N4BP2: variants seen among roughly 807,000 people sequenced by gnomAD.
N4BP2 encodes NEDD4 binding protein 2.
In N4BP2, 91 loss-of-function variants were observed where a neutral mutation model predicts 152.8. The ratio of observed to expected loss-of-function variants is 0.60; its 90% confidence interval spans 0.50 to 0.71. The LOEUF is 0.71. Among genes scored for constraint, N4BP2 ranks in the 30% least tolerant of loss-of-function variants. The probability of loss-of-function intolerance (pLI) is 0.00; values close to 1 mark genes in which losing one functional copy is unlikely to be tolerated. For missense variants in N4BP2, 1,923 were observed against 2,059.1 expected (o/e 0.93, Z 1.28); for synonymous variants, 646 against 705.3 (o/e 0.92, Z 1.33).
chr4:40,184,958 AAAATAAAT>A, the N4BP2 span, among the ~76,000 whole-genome samples: 3 of 151,510 alleles, frequency 2.0e-5, no homozygotes, highest in Non-Finnish European at 4.4e-5. Flanking sequence ...TCTGTCTCAA[AAAATAAAT>A]AAATAAATAA....
the N4BP2 span, among the ~76,000 whole-genome samples, chr4:40,182,016 G>T: frequency 6.6e-6 from 1 of 152,188 alleles, no homozygotes; most frequent in African/African-American, 2.4e-5. Flanking sequence ...ATTGCCTGGA[G>T]GTTGCTTACA....
chr4:40,072,910 CG>C (rs917628231), intron 1 of N4BP2, among the ~76,000 whole-genome samples: 1 of 151,220 alleles, frequency 6.6e-6, no homozygotes, highest in African/African-American at 2.4e-5. Flanking sequence ...TTAGCAGAGA[CG>C]GGGTCTCACC....
At chr4:40,159,630 C>T (rs1475855016), downstream of N4BP2, among the ~76,000 whole-genome samples, 1 of 152,140 alleles carries the variant, frequency 6.6e-6, no homozygotes, top group Admixed American at 6.5e-5. Context: ...TACTTACGTC[C>T]TATTGACCAG....
At chr4:40,136,648 G>A (rs1336688810) in intron 13 of N4BP2, among the ~76,000 whole-genome samples, 3 of 152,116 alleles carry the variant, frequency 2.0e-5, no homozygotes, top group Non-Finnish European at 4.4e-5. Context: ...TCGGCCCCCC[G>A]AAGTGCTGGG....
chr4:40,172,675 G>A, the N4BP2 span, among the ~76,000 whole-genome samples: 3 of 152,166 alleles, frequency 2.0e-5, no homozygotes, highest in Non-Finnish European at 2.9e-5. Context: ...CCAGAACTAT[G>A]AGATGATAAA....
chr4:40,111,381 C>T (rs939601325), intron 5 of N4BP2, among the ~76,000 whole-genome samples: 7 of 152,222 alleles, frequency 4.6e-5, no homozygotes, highest in African/African-American at 7.2e-5. Context: ...AGTACAATGG[C>T]GTGGTCTCAG....
At chr4:40,186,970 C>T in the N4BP2 span, among the ~76,000 whole-genome samples, 2 of 152,154 alleles carry the variant, frequency 1.3e-5, no homozygotes, top group African/African-American at 4.8e-5. Flanking sequence ...CATTTTCACA[C>T]AGATATTTTA....
chr4:40,162,610 C>T (rs1721887979), downstream of N4BP2, among the ~76,000 whole-genome samples: 1 of 152,044 alleles, frequency 6.6e-6, no homozygotes, highest in African/African-American at 2.4e-5. Flanking sequence ...TAGAGGTATG[C>T]CAGGGAGTAC....
rs1265313161 is a variant in N4BP2, at chr4:40,157,947, A to G, written c.*3710A>G. On this transcript the variant is annotated 3_prime_UTR_variant, in exon 18 of 18. Transcript: ENST00000261435. ...ATATTATATGATGACAAAGTTCATT[A>G]TTTTCCTTAAAGTTGAGCAATTGAC... The G allele has an allele frequency of 6.6e-6, 1 of 152,146 alleles. No individual in the cohort carries two copies. Among genetic ancestry groups the G allele is most frequent in the Non-Finnish European group, 1.5e-5 (1 of 68,014 alleles). 9.4% of individuals were successfully genotyped at this position (152,146 alleles called of 1,614,324 possible).
rs758417611 is a variant in N4BP2, at chr4:40,152,851, G to A, written c.5215G>A (p.Val1739Ile). Residue 1739 changes from valine to isoleucine, a missense_variant, in exon 17 of 18, where the codon GTT becomes ATT. By Grantham distance (29) the Val-to-Ile change is conservative. Coordinates refer to ENST00000261435, the MANE Select transcript of N4BP2 (RefSeq NM_018177.6). ...GAGAGGAAACCACAGCCAGGGAGGA[G>A]TTGCTCGCATCAAACCAGCTGTCAT... ...TGRGNHSQGGVARIKPAVIKY... is the reference protein window; with the variant it reads ...TGRGNHSQGGIARIKPAVIKY... 73 of 1,613,944 alleles carry A rather than the reference G, an allele frequency of 4.5e-5. No individual in the cohort carries two copies. Among genetic ancestry groups the A allele is most frequent in the Non-Finnish European group, 5.9e-5 (70 of 1,179,970 alleles).
intron 2 of N4BP2, among the ~76,000 whole-genome samples, chr4:40,092,105 T>C (rs1185952199): frequency 7.3e-6 from 1 of 137,604 alleles, no homozygotes; most frequent in African/African-American, 2.7e-5. Flanking sequence ...TCATGAGGAG[T>C]ATTGGTCTGT....
the N4BP2 span, among the ~76,000 whole-genome samples, chr4:40,172,885 G>A: frequency 1.3e-5 from 2 of 152,062 alleles, no homozygotes; most frequent in South Asian, 4.1e-4. Context: ...TAATATTACT[G>A]TTTGTTAAAT....
At chr4:40,072,368 C>T (rs1406429654) in intron 1 of N4BP2, among the ~76,000 whole-genome samples, 1 of 151,614 alleles carries the variant, frequency 6.6e-6, no homozygotes, top group Non-Finnish European at 1.5e-5. Flanking sequence ...GCCTCAGCCT[C>T]CTGAGTAGCT....
chr4:40,151,890 C>A (rs1395522620), intron 16 of N4BP2, among the ~76,000 whole-genome samples: 10 of 152,116 alleles, frequency 6.6e-5, no homozygotes, highest in Non-Finnish European at 1.5e-4. Flanking sequence ...TGTTTGTATT[C>A]TATTAGGAGT....
At chr4:40,132,863 G>A (rs989555393) in intron 13 of N4BP2, among the ~76,000 whole-genome samples, 10 of 150,406 alleles carry the variant, frequency 6.6e-5, no homozygotes, top group Non-Finnish European at 1.3e-4. Context: ...ATGCAGGTAG[G>A]AATTGATTTA....
chr4:40,175,807 G>GGA, the N4BP2 span, among the ~76,000 whole-genome samples: 15 of 64,012 alleles, frequency 2.3e-4, no homozygotes, highest in African/African-American at 7.2e-4. Context: ...CTCGTCTCAA[G>GGA]AAAAAAAAAA....
At chr4:40,172,105 A>G in the N4BP2 span, among the ~76,000 whole-genome samples, 1 of 152,058 alleles carries the variant, frequency 6.6e-6, no homozygotes, top group Non-Finnish European at 1.5e-5. Context: ...ATGGGGTTTC[A>G]TCATGTTGGC....
At chr4:40,086,360 C>T (rs1475740698) in intron 2 of N4BP2, among the ~76,000 whole-genome samples, 3 of 149,556 alleles carry the variant, frequency 2.0e-5, no homozygotes, top group African/African-American at 4.9e-5. Context: ...GTTTTTGAGA[C>T]GAAGTCTTAC....
chr4:40,120,752 A>G lies in N4BP2; in HGVS notation c.2641A>G (p.Ile881Val), dbSNP rs936707292. Reference protein sequence around the residue: ...YKNIDKNSFNIMGDWPSSDSL... With the variant: ...YKNIDKNSFNVMGDWPSSDSL... ...AAATATTGACAAAAACTCATTCAAC[A>G]TTATGGGTGACTGGCCTTCATCTGA... is the stretch of plus-strand genomic sequence containing the variant. Residue 881 changes from isoleucine (I) to valine (V), a missense_variant, in exon 9 of 18, where the codon ATT becomes GTT. Ile to Val is a conservative substitution (Grantham distance 29). Coordinates refer to ENST00000261435, the MANE Select transcript of N4BP2 (RefSeq NM_018177.6). 6.2e-7 allele frequency: 1 copy of G among 1,614,164 alleles called. No homozygotes were observed.
Sources: allele counts gnomAD v4.1 joint callset (sites outside exome capture counted in the v4.1 genomes callset), GRCh38; gene constraint gnomAD v4.1.1; transcripts MANE v1.5; gene names NCBI Gene and HGNC (gene_info 2026-07-23, HGNC 2026-07-21).